Variants in DNAAF9 observed in about 807,000 individuals in gnomAD.
DNAAF9 encodes shulin.
In DNAAF9, 90 loss-of-function variants were observed where a neutral mutation model predicts 167.0. The ratio of observed to expected loss-of-function variants is 0.54; its 90% confidence interval spans 0.45 to 0.64. DNAAF9 has a LOEUF of 0.64. Among genes scored for constraint, DNAAF9 ranks in the 30% least tolerant of loss-of-function variants. DNAAF9 has a pLI of 0.00. For synonymous variants in DNAAF9, 491 were observed against 508.8 expected, an observed-to-expected ratio of 0.96 and a Z score of 0.47; for missense variants, 1,315 against 1,442.2, an observed-to-expected ratio of 0.91 and a Z score of 1.43.
intron 33 of DNAAF9, among the ~76,000 whole-genome samples, chr20:3,258,948 C>G (rs2068330043): frequency 6.6e-6 from 1 of 152,206 alleles, no homozygotes; most frequent in Admixed American, 6.5e-5. Context: ...TGTACCTTTC[C>G]TCAACATTGA....
chr20:3,299,586 A>G (rs1277376483), intron 21 of DNAAF9, among the ~76,000 whole-genome samples: 1 of 152,156 alleles, frequency 6.6e-6, no homozygotes, highest in East Asian at 1.9e-4. Context: ...TGCTGCGATT[A>G]CAGGCGTGAG....
At chr20:3,380,904 T>C (rs1159844520) in intron 3 of DNAAF9, among the ~76,000 whole-genome samples, 2 of 152,216 alleles carry the variant, frequency 1.3e-5, no homozygotes, top group African/African-American at 2.4e-5. Context: ...GGCATCTTCA[T>C]GAATTAAAGT....
intron 1 of DNAAF9, among the ~76,000 whole-genome samples, chr20:3,387,127 C>T (rs1189930622): frequency 2.6e-5 from 4 of 152,124 alleles, no homozygotes; most frequent in Non-Finnish European, 5.9e-5. Context: ...TTCTCAAATC[C>T]CAATGATGTT....
Position 3,322,705 on chromosome 20 carries a change from C to A in DNAAF9, c.1266-9G>T. On this transcript the variant is annotated splice_polypyrimidine_tract_variant and intron_variant, in intron 14 of 36. Coordinates refer to ENST00000252032, the MANE Select transcript of DNAAF9 (RefSeq NM_001009984.3). The stretch of plus-strand genomic sequence containing the variant: ...GAAAAGTCATCTTGGAGCTGTAGAC[C>A]AGAAACAAAACAAAAGAAAAATCAG... The A allele has an allele frequency of 2.5e-6, 4 of 1,610,220 alleles. No homozygotes were observed. The South Asian group carries it at 4.4e-5, about 18-fold the overall frequency.
At chr20:3,311,877 A>C (rs1401243064) in intron 20 of DNAAF9, among the ~76,000 whole-genome samples, 1 of 152,256 alleles carries the variant, frequency 6.6e-6, no homozygotes, top group Non-Finnish European at 1.5e-5. Context: ...ATGAATGGGA[A>C]GTTGAAAAGC....
intron 7 of DNAAF9, among the ~76,000 whole-genome samples, chr20:3,359,103 C>T (rs1415703915): frequency 6.6e-6 from 1 of 152,208 alleles, no homozygotes; most frequent in Admixed American, 6.5e-5. Context: ...ATATCACTAA[C>T]TAGACTTTCA....
chr20:3,376,104 A>C, intron 4 of DNAAF9, 74 bp downstream of exon 4: 1 of 1,344,854 alleles, frequency 7.4e-7, no homozygotes, highest in South Asian at 1.3e-5. Context: ...TGCTGATCCT[A>C]TTTCAGATCA....
chr20:3,304,630 C>T, intron 20 of DNAAF9, 87 bp from the exon 21 acceptor site: 2 of 704,128 alleles, frequency 2.8e-6, no homozygotes, highest in South Asian at 3.2e-5. Context: ...AGTGTGGTAA[C>T]TAGAGGCCAG....
rs773115724 is a variant in DNAAF9, at chr20:3,287,618, C to T, written c.2486+14G>A. 1.9e-6 allele frequency: 3 copies of T among 1,613,720 alleles called. No homozygotes were observed. The highest frequency in any genetic ancestry group is 1.3e-5 in the African/African-American group (1 of 75,046). On this transcript the variant is annotated intron_variant, in intron 27 of 36. Transcript: ENST00000252032. ...CCCTGATTCGACTGTTTCCAGGAGA[C>T]TTCCAATGCTCACCCTTGTAACACC...
intron 10 of DNAAF9, among the ~76,000 whole-genome samples, chr20:3,338,456 A>AT (rs920283279): frequency 6.6e-6 from 1 of 151,926 alleles, no homozygotes; most frequent in African/African-American, 2.4e-5. Flanking sequence ...ACACATAGAT[A>AT]TTTTGGGATT....
chr20:3,318,478 A>G (rs1048115702), intron 16 of DNAAF9, 78 bp from the exon 17 acceptor site: 2 of 743,506 alleles, frequency 2.7e-6, no homozygotes, highest in Non-Finnish European at 4.9e-6. Context: ...GAGACCACAA[A>G]TACTGCCTAA....
chr20:3,287,784 C>T lies in DNAAF9; in HGVS notation c.2334G>A (p.Met778Ile), dbSNP rs774142639. ...VTLHKECGRW[M>I]VYRQIMDSSE... ...AGCTGTCCATGATTTGGCGATACACCATCCATCTGGAAAGGTAAAAGGTAA... is the reference window on the plus strand; with the variant it reads ...AGCTGTCCATGATTTGGCGATACACTATCCATCTGGAAAGGTAAAAGGTAA... The change falls in exon 27 of 37, where the codon ATG (methionine) becomes ATA (isoleucine). Residue 778 changes from methionine (M) to isoleucine (I), a missense_variant. Transcript: ENST00000252032. 6.2e-7 allele frequency: 1 copy of T among 1,614,178 alleles called. No individual in the cohort carries two copies. Among genetic ancestry groups the T allele is most frequent in the South Asian group, 1.1e-5 (1 of 91,078 alleles).
intron 30 of DNAAF9, among the ~76,000 whole-genome samples, chr20:3,268,332 G>GC (rs746550883): frequency 9.6e-5 from 14 of 146,012 alleles, no homozygotes; most frequent in Non-Finnish European, 1.9e-4. Context: ...ACTGTGCCCG[G>GC]CCCCTTTTTT....
chr20:3,343,485 T>TAAAATAAA (rs1234485467), intron 9 of DNAAF9, among the ~76,000 whole-genome samples, 191 bp downstream of exon 9: 5 of 152,088 alleles, frequency 3.3e-5, no homozygotes, highest in Non-Finnish European at 5.9e-5. Context: ...TATAAAATAA[T>TAAAATAAA]AAAATAAAAA....
At position 3,322,696 on chromosome 20, in the gene DNAAF9, G is replaced by C. The variant is rs1319896900; in HGVS notation, c.1266C>G (p.Arg422=). 1 of 1,611,462 alleles carries C rather than the reference G, an allele frequency of 6.2e-7. No homozygotes were observed. The highest frequency in any genetic ancestry group is 1.3e-5 in the African/African-American group (1 of 74,878). The stretch of plus-strand genomic sequence containing the variant: ...CATGTATATGAAAAGTCATCTTGGA[G>C]CTGTAGACCAGAAACAAAACAAAAG... ...FELIPFKAAL[R]SKMTFHIHAV... The change falls in exon 15 of 37, where the codon CGC becomes CGG. Residue 422 remains arginine, a splice_region_variant and synonymous_variant. Transcript: ENST00000252032.
chr20:3,390,093 T>C (rs1472358996), intron 1 of DNAAF9, among the ~76,000 whole-genome samples: 5 of 151,746 alleles, frequency 3.3e-5, no homozygotes, highest in African/African-American at 1.2e-4. Context: ...AAAACTTGAA[T>C]ATGGACTATG....
rs1489000463 is a variant in DNAAF9, at chr20:3,292,765, C to CAA, written c.2238+1372_2238+1373dup. On this transcript the variant is annotated intron_variant, in intron 25 of 36. Transcript: ENST00000252032. Reference sequence around the variant, plus strand: ...TGGGCAACAGAGCGAGACTCCATTTCAAAAAAGAAAAAAAAAAAAAGCCAG... The same window carrying CAA: ...TGGGCAACAGAGCGAGACTCCATTTCAAAAAAAAGAAAAAAAAAAAAAGCCAG... 3.7e-4 allele frequency among the ~76,000 whole-genome samples: 49 copies of CAA among 132,842 alleles called. 1 individual carries two copies. The highest frequency in any genetic ancestry group is 4.9e-4 in the Non-Finnish European group (31 of 62,712). The allele number at this position is 132,842 out of a possible 152,430, so 87.1% of individuals were successfully genotyped here.
intron 29 of DNAAF9, among the ~76,000 whole-genome samples, chr20:3,277,636 G>A (rs1216890463): frequency 6.6e-6 from 1 of 151,444 alleles, no homozygotes; most frequent in Non-Finnish European, 1.5e-5. Context: ...CCCACATCTA[G>A]TCTGTCACCA....
chr20:3,326,144 T>A (rs982111245), intron 13 of DNAAF9, 53 bp downstream of exon 13: 4 of 1,281,594 alleles, frequency 3.1e-6, no homozygotes, highest in African/African-American at 1.5e-5. Flanking sequence ...ATGGATAGAA[T>A]GTTTTACATT....
Sources: gnomAD v4.1 joint callset for allele counts (sites outside exome capture counted in the v4.1 genomes callset) on GRCh38, gnomAD v4.1.1 for gene constraint, MANE v1.5 for transcripts, NCBI Gene and HGNC (gene_info 2026-07-23, HGNC 2026-07-21) for gene names.